NFU1: variants seen among roughly 807,000 people sequenced by gnomAD.
NFU1 encodes the protein NFU1 iron-sulfur cluster scaffold.
In NFU1, 30 loss-of-function variants were observed where a neutral mutation model predicts 32.2. The observed-to-expected ratio is 0.93, with a 90% confidence interval of 0.70 to 1.26. The LOEUF is 1.26. Among genes scored for constraint, NFU1 ranks in the 50% most tolerant of loss-of-function variants. The pLI, the probability that NFU1 is intolerant of heterozygous loss-of-function variation, is 0.00. For synonymous variants in NFU1, 112 were observed against 104.6 expected, an observed-to-expected ratio of 1.07 and a Z score of -0.43; for missense variants, 306 against 306.6, an observed-to-expected ratio of 1.00 and a Z score of 0.02.
rs769320191 is a variant in NFU1, at chr2:69,431,993, C to G, written c.75G>C (p.Met25Ile). The G allele has an allele frequency of 1.9e-6, 3 of 1,608,766 alleles. No individual in the cohort carries two copies. The highest frequency in any genetic ancestry group is 2.6e-6 in the Non-Finnish European group (3 of 1,175,254). ...TCTTAATGGTGTATGGATTCTTCAACATATGACAGAACCTGCATTTAAAAG... is the reference window on the plus strand; with the variant it reads ...TCTTAATGGTGTATGGATTCTTCAAGATATGACAGAACCTGCATTTAAAAG... ...AAGLRRRFCHMLKNPYTIKKQ... is the reference protein window; with the variant it reads ...AAGLRRRFCHILKNPYTIKKQ... The change falls in exon 2 of 8, where the codon ATG becomes ATC. Residue 25 changes from methionine to isoleucine, a missense_variant. Met to Ile is a conservative substitution (Grantham distance 10, BLOSUM62 1). Coordinates refer to ENST00000410022, the MANE Select transcript of NFU1 (RefSeq NM_001002755.4).
At chr2:69,415,998 AAGAAAAAAG>A (rs1558827320) in intron 4 of NFU1, among the ~76,000 whole-genome samples, 1 of 151,982 alleles carries the variant, frequency 6.6e-6, no homozygotes, top group African/African-American at 2.4e-5. Context: ...GAAAGGAAGA[AAGAAAAAAG>A]AGAAAAAAGC....
At chr2:69,399,463 A>C (rs186381882) in intron 7 of NFU1, 1 of 426,300 alleles carries the variant, frequency 2.3e-6, no homozygotes, top group African/African-American at 2.1e-5. Flanking sequence ...ATAACAACAA[A>C]CTATGATTTC....
chr2:69,424,206 T>A (rs1337299026), intron 2 of NFU1, among the ~76,000 whole-genome samples: 18 of 133,996 alleles, frequency 1.3e-4, no homozygotes, highest in African/African-American at 3.1e-4. Flanking sequence ...AAAATATATA[T>A]ATATATATAT....
chr2:69,421,138 A>C (rs1449345287), intron 3 of NFU1, among the ~76,000 whole-genome samples: 1 of 152,064 alleles, frequency 6.6e-6, no homozygotes, highest in Non-Finnish European at 1.5e-5. Flanking sequence ...CAGGAGGTGG[A>C]GGTTGCAGTG....
Position 69,415,440 on chromosome 2 carries a change from T to C in NFU1, c.370-141A>G, listed in dbSNP as rs4328678. On this transcript the variant is annotated intron_variant, in intron 4 of 7. Transcript: ENST00000410022. ...GCCCAGGCTGGATGGAGTACAGTGG[T>C]GTGATCTTGGCTCACTGCAACCTCC... is the stretch of plus-strand genomic sequence containing the variant. The C allele has an allele frequency of 0.6, 365,861 of 608,246 alleles. 112,931 individuals carry two copies. Among genetic ancestry groups the C allele is most frequent in the African/African-American group, 0.86 (45,294 of 52,932 alleles). 37.7% of individuals were successfully genotyped at this position (608,246 alleles called of 1,614,324 possible).
At chr2:69,435,623 G>C (rs779619665) in intron 1 of NFU1, among the ~76,000 whole-genome samples, 4 of 152,142 alleles carry the variant, frequency 2.6e-5, no homozygotes, top group Non-Finnish European at 5.9e-5. Flanking sequence ...AGAGATAAAA[G>C]GATTGGCACC....
chr2:69,419,215 G>C (rs765480985), intron 4 of NFU1, among the ~76,000 whole-genome samples: 4 of 14,220 alleles, frequency 2.8e-4, no homozygotes, highest in South Asian at 1.8e-3. Flanking sequence ...TCAGGGTGGC[G>C]GGGGGGGGCG....
intron 5 of NFU1, among the ~76,000 whole-genome samples, chr2:69,410,383 T>C (rs1024311910): frequency 2.0e-5 from 3 of 152,170 alleles, no homozygotes; most frequent in African/African-American, 7.2e-5. Flanking sequence ...AGCAAGACCC[T>C]GTCTCAAAAA....
chr2:69,438,429 G>A (rs1029874112), upstream of NFU1, among the ~76,000 whole-genome samples: 1 of 151,902 alleles, frequency 6.6e-6, no homozygotes, highest in Admixed American at 6.6e-5. Context: ...TTTATTAGCA[G>A]TAGTAGTAGT....
chr2:69,438,700 C>G (rs1673942200), upstream of NFU1, among the ~76,000 whole-genome samples: 1 of 152,264 alleles, frequency 6.6e-6, no homozygotes, highest in East Asian at 1.9e-4. Flanking sequence ...CCCAAGACAA[C>G]CCTAGTAATT....
At chr2:69,397,855 A>G (rs1007895778) in intron 7 of NFU1, among the ~76,000 whole-genome samples, 1 of 150,504 alleles carries the variant, frequency 6.6e-6, no homozygotes, top group African/African-American at 2.5e-5. Context: ...TGGAGGCTGC[A>G]GTGAGCCAAG....
chr2:69,432,586 G>GA (rs1673676392), intron 1 of NFU1, among the ~76,000 whole-genome samples: 1 of 151,246 alleles, frequency 6.6e-6, no homozygotes. Flanking sequence ...AAAAAAAAAA[G>GA]AAACAGAATT....
chr2:69,416,511 T>TA (rs75738049), intron 4 of NFU1, among the ~76,000 whole-genome samples: 5 of 151,280 alleles, frequency 3.3e-5, no homozygotes, highest in Non-Finnish European at 2.9e-5. Context: ...CCCATTCTCT[T>TA]AAAAAAAACA....
At chr2:69,417,174 T>C (rs1464206462) in intron 4 of NFU1, among the ~76,000 whole-genome samples, 1 of 152,040 alleles carries the variant, frequency 6.6e-6, no homozygotes, top group African/African-American at 2.4e-5. Flanking sequence ...AAGCTGCAAA[T>C]ATACATATAT....
intron 5 of NFU1, among the ~76,000 whole-genome samples, chr2:69,407,810 T>C (rs1672749421): frequency 6.6e-6 from 1 of 151,116 alleles, no homozygotes; most frequent in Non-Finnish European, 1.5e-5. Context: ...GTCAGGAGTT[T>C]GAGACCAGCC....
intron 5 of NFU1, chr2:69,410,710 T>A (rs1181360811): frequency 6.6e-6 from 1 of 152,178 alleles, no homozygotes; most frequent in Non-Finnish European, 1.5e-5. Context: ...ACCTATATAG[T>A]ACCTAGAACT....
Position 69,432,112 on chromosome 2 carries a change from C to T in NFU1, c.63-107G>A, listed in dbSNP as rs1673658867. On this transcript the variant is annotated intron_variant, in intron 1 of 7. Transcript: ENST00000410022. Reference sequence around the variant, plus strand: ...AGACCTATGTAAAATTTAAACATAACCCGCAATAGAAATAATTAGAGAACT... The same window carrying T: ...AGACCTATGTAAAATTTAAACATAATCCGCAATAGAAATAATTAGAGAACT... The T allele has an allele frequency of 1.3e-5, 9 of 718,824 alleles. No individual in the cohort carries two copies. In the South Asian group the frequency reaches 1.4e-4, roughly 11 times the overall value. The allele number at this position is 718,824 out of a possible 1,614,324, so 44.5% of individuals were successfully genotyped here.
chr2:69,425,518 C>A (rs904585766), intron 2 of NFU1, among the ~76,000 whole-genome samples: 1 of 151,712 alleles, frequency 6.6e-6, no homozygotes, highest in Admixed American at 6.6e-5. Context: ...CCATGCCCGG[C>A]TAATTTTTGT....
chr2:69,437,509 G>A (rs764508806), upstream of NFU1: 3 of 1,495,496 alleles, frequency 2.0e-6, no homozygotes, highest in Non-Finnish European at 1.8e-6. Context: ...GGCGGGCACT[G>A]GGAAGAGCCC....
Sources: allele counts gnomAD v4.1 joint callset (sites outside exome capture counted in the v4.1 genomes callset), GRCh38; gene constraint gnomAD v4.1.1; transcripts MANE v1.5; gene names NCBI Gene and HGNC (gene_info 2026-07-23, HGNC 2026-07-21).